Variants in GRIN3A observed in about 807,000 individuals in gnomAD.
GRIN3A encodes the protein glutamate receptor ionotropic, NMDA 3A.
GRIN3A carries 47 observed loss-of-function variants against 92.4 expected under a neutral mutation model. The observed-to-expected ratio is 0.51, with a 90% CI of 0.40 to 0.65. GRIN3A has a LOEUF of 0.65. Ranked by LOEUF, GRIN3A falls within the 30% of genes least tolerant of loss-of-function variation. GRIN3A has a pLI of 0.00. For missense variants in GRIN3A, 1,324 were observed against 1,393.1 expected (o/e 0.95, Z 0.79); for synonymous variants, 527 against 540.6 (o/e 0.97, Z 0.35).
intron 3 of GRIN3A, among the ~76,000 whole-genome samples, chr9:101,655,725 A>C (rs1228323950): frequency 6.6e-6 from 1 of 152,026 alleles, no homozygotes; most frequent in Non-Finnish European, 1.5e-5. Flanking sequence ...GATGTAGGGA[A>C]TCAATTGAGG....
In GRIN3A at chr9:101,619,111, T is replaced by C. The variant is rs557140532; in HGVS notation, c.2614+4207A>G. 2.6e-5 allele frequency among the ~76,000 whole-genome samples: 4 copies of C among 152,326 alleles called. No individual in the cohort carries two copies. In the South Asian group the frequency reaches 8.3e-4, roughly 32 times the overall value. On this transcript the variant is annotated intron_variant, in intron 5 of 8. Coordinates refer to ENST00000361820, the MANE Select transcript of GRIN3A (RefSeq NM_133445.3). ...GGAAATATATTTTAGCTAGCAAATGTATAGTTAGAAATTCATAGACTAAAA... is the reference window on the plus strand; with the variant it reads ...GGAAATATATTTTAGCTAGCAAATGCATAGTTAGAAATTCATAGACTAAAA...
chr9:101,731,560 A>C (rs1290231407), intron 1 of GRIN3A, among the ~76,000 whole-genome samples: 1 of 152,182 alleles, frequency 6.6e-6, no homozygotes, highest in Non-Finnish European at 1.5e-5. Flanking sequence ...TTGCAGGCTC[A>C]TCTCCATTAA....
At chr9:101,632,405 A>G (rs767876459) in intron 3 of GRIN3A, among the ~76,000 whole-genome samples, 1 of 152,222 alleles carries the variant, frequency 6.6e-6, no homozygotes, top group Non-Finnish European at 1.5e-5. Flanking sequence ...AACAAATGTT[A>G]GCTGCTATTA....
chr9:101,633,805 G>A (rs1347868230), intron 3 of GRIN3A, among the ~76,000 whole-genome samples: 2 of 151,968 alleles, frequency 1.3e-5, no homozygotes, highest in Non-Finnish European at 2.9e-5. Context: ...AAAAGGTTGG[G>A]GACTGCTGCT....
intron 5 of GRIN3A, among the ~76,000 whole-genome samples, chr9:101,620,111 A>G (rs1828530384): frequency 2.0e-5 from 3 of 152,214 alleles, no homozygotes; most frequent in Admixed American, 2.0e-4. Flanking sequence ...TAGTTATCTT[A>G]GTCTGCTCAG....
chr9:101,608,080 C>A (rs1828310011), intron 6 of GRIN3A, among the ~76,000 whole-genome samples: 1 of 152,178 alleles, frequency 6.6e-6, no homozygotes, highest in Admixed American at 6.5e-5. Flanking sequence ...AGCATCATTA[C>A]AAAATAGTTT....
intron 6 of GRIN3A, among the ~76,000 whole-genome samples, chr9:101,607,599 T>A (rs1445275926): frequency 2.6e-5 from 4 of 152,178 alleles, no homozygotes; most frequent in African/African-American, 9.7e-5. Context: ...ATCATTTTAT[T>A]TACTTCACAC....
At chr9:101,628,542 G>A (rs1195541956) in intron 3 of GRIN3A, 141 bp from the exon 4 acceptor site, 1 of 755,442 alleles carries the variant, frequency 1.3e-6, no homozygotes, top group Non-Finnish European at 2.2e-6. Context: ...ACATAGAAAT[G>A]TGCAGACATG....
At position 101,579,726 on chromosome 9, in the gene GRIN3A, A is replaced by G. The variant is rs796174716; in HGVS notation, c.2767-366T>C. ...GTCATGCCTCAGTTGTCCCTTCCTT[A>G]TTAACCTTTAGCCATAATTCATTCT... On this transcript the variant is annotated intron_variant, in intron 6 of 8. Transcript: ENST00000361820. 9.9e-5 allele frequency among the ~76,000 whole-genome samples: 15 copies of G among 152,278 alleles called. No individual in the cohort carries two copies. In the East Asian group the frequency reaches 2.5e-3, roughly 26 times the overall value.
chr9:101,641,851 T>C (rs1274592980), intron 3 of GRIN3A, among the ~76,000 whole-genome samples: 2 of 151,922 alleles, frequency 1.3e-5, no homozygotes, highest in Non-Finnish European at 2.9e-5. Context: ...AACTTCATGA[T>C]GTTAGTTTAC....
At chr9:101,634,289 C>T (rs1828752423) in intron 3 of GRIN3A, among the ~76,000 whole-genome samples, 3 of 144,890 alleles carry the variant, frequency 2.1e-5, no homozygotes, top group Admixed American at 1.4e-4. Context: ...GCCGAGATCG[C>T]GCCACTGCAC....
chr9:101,680,330 T>C (rs1829452292), intron 2 of GRIN3A, among the ~76,000 whole-genome samples: 1 of 152,240 alleles, frequency 6.6e-6, no homozygotes, highest in South Asian at 2.1e-4. Context: ...GGACATTTGT[T>C]TGATTCATTT....
chr9:101,591,437 C>T (rs1828025155), intron 6 of GRIN3A, among the ~76,000 whole-genome samples: 1 of 152,112 alleles, frequency 6.6e-6, no homozygotes, highest in Non-Finnish European at 1.5e-5. Context: ...GATTTGGGGT[C>T]AGAAAGCCTG....
At chr9:101,663,679 G>A (rs912142636) in intron 3 of GRIN3A, among the ~76,000 whole-genome samples, 1 of 137,710 alleles carries the variant, frequency 7.3e-6, no homozygotes, top group African/African-American at 2.5e-5. Context: ...CTAAGGCTCT[G>A]CCAATGTCCT....
chr9:101,715,751 T>G (rs1244094314), intron 1 of GRIN3A, among the ~76,000 whole-genome samples: 1 of 152,132 alleles, frequency 6.6e-6, no homozygotes, highest in Non-Finnish European at 1.5e-5. Flanking sequence ...CCTTAACAAA[T>G]ATCTGAGTGA....
intron 5 of GRIN3A, among the ~76,000 whole-genome samples, chr9:101,622,815 G>A (rs1285133171): frequency 1.3e-5 from 2 of 151,884 alleles, no homozygotes; most frequent in Non-Finnish European, 2.9e-5. Flanking sequence ...ATCAATATTG[G>A]GGCCCTCCCA....
chr9:101,707,724 C>T (rs1353730756), intron 1 of GRIN3A, among the ~76,000 whole-genome samples: 1 of 152,024 alleles, frequency 6.6e-6, no homozygotes, highest in South Asian at 2.1e-4. Context: ...ATTATTTGTA[C>T]CCTTAATTGT....
chr9:101,684,603 G>C (rs1024018573), intron 2 of GRIN3A, among the ~76,000 whole-genome samples: 2 of 152,132 alleles, frequency 1.3e-5, no homozygotes, highest in African/African-American at 4.8e-5. Flanking sequence ...TGGGATCCTT[G>C]TGGAAGGAAG....
chr9:101,717,067 G>GT (rs1192803055), intron 1 of GRIN3A, among the ~76,000 whole-genome samples: 3 of 152,200 alleles, frequency 2.0e-5, no homozygotes, highest in African/African-American at 7.2e-5. Context: ...AGGCATCTGA[G>GT]TTGGAGACCT....
Sources: allele counts gnomAD v4.1 joint callset (sites outside exome capture counted in the v4.1 genomes callset), GRCh38; gene constraint gnomAD v4.1.1; transcripts MANE v1.5; gene names NCBI Gene and HGNC (gene_info 2026-07-23, HGNC 2026-07-21).